HOXA6: variants seen among roughly 807,000 people sequenced by gnomAD.
HOXA6 encodes homeobox protein Hox-A6.
Under a neutral mutation model 23.2 loss-of-function variants are expected in HOXA6, and 19 were observed. The observed-to-expected ratio is 0.82, with a 90% CI of 0.57 to 1.20. The LOEUF (loss-of-function observed/expected upper bound fraction) is 1.20. Ranked by LOEUF, HOXA6 falls within the 50% of genes most tolerant of loss-of-function variation. HOXA6 has a pLI of 0.00. For missense variants in HOXA6, 346 were observed against 313.6 expected, an observed-to-expected ratio of 1.10 and a Z score of -0.78; for synonymous variants, 140 against 132.6, an observed-to-expected ratio of 1.06 and a Z score of -0.38.
At chr7:27,145,997 G>C in intron 1 of HOXA6, 80 bp from the exon 2 acceptor site, 1 of 1,512,006 alleles carries the variant, frequency 6.6e-7, no homozygotes, top group Non-Finnish European at 8.8e-7. Flanking sequence ...CCCACAAGAG[G>C]CACCCAGACT....
In HOXA6 at chr7:27,146,772, G is replaced by A. The variant is rs539894179; in HGVS notation, c.442+536C>T. On this transcript the variant is annotated intron_variant, in intron 1 of 1. Coordinates refer to ENST00000222728, the MANE Select transcript of HOXA6 (RefSeq NM_024014.4). ...AAGAGTGGGCAGTTGAGTAGAAGCC[G>A]GGGGAGATGAGGGAGGAGAGAGAAA... Among the ~76,000 whole-genome samples, 41 of 152,264 alleles carry A rather than the reference G, an allele frequency of 2.7e-4. No homozygotes were observed. In the East Asian group the frequency reaches 4.8e-3, roughly 18 times the overall value.
In HOXA6 at chr7:27,147,527, C is replaced by G. The variant is rs767920023; in HGVS notation, c.223G>C (p.Gly75Arg). 2 of 1,614,180 alleles carry G rather than the reference C, an allele frequency of 1.2e-6. No homozygotes were observed. Among genetic ancestry groups the G allele is most frequent in the Non-Finnish European group, 1.7e-6 (2 of 1,180,032 alleles). ...LACNRASYEY[G>R]ASCFYSDKDL... ...TTATCAGAATAGAAACACGAGGCCCCGTACTCGTAGGACGCCCGGTTGCAG... is the reference window on the plus strand; with the variant it reads ...TTATCAGAATAGAAACACGAGGCCCGGTACTCGTAGGACGCCCGGTTGCAG... The change falls in exon 1 of 2, where the codon GGG (glycine) becomes CGG (arginine). Residue 75 changes from glycine (G) to arginine (R), a missense_variant. Gly to Arg is a moderately radical substitution (Grantham distance 125, BLOSUM62 -2). Coordinates refer to ENST00000222728, the MANE Select transcript of HOXA6 (RefSeq NM_024014.4).
At chr7:27,147,262 C>T (rs769619247) in intron 1 of HOXA6, 46 bp downstream of exon 1, 5 of 1,514,694 alleles carry the variant, frequency 3.3e-6, no homozygotes, top group Non-Finnish European at 3.6e-6. Flanking sequence ...CTTTCTTTTC[C>T]TGCCTCCTTT....
Position 27,147,452 on chromosome 7 carries a change from C to G in HOXA6, c.298G>C (p.Gly100Arg). 6.2e-7 allele frequency: 1 copy of G among 1,614,196 alleles called. No individual in the cohort carries two copies. Among genetic ancestry groups the G allele is most frequent in the East Asian group, 2.2e-5 (1 of 44,876 alleles). Residue 100 changes from glycine to arginine, a missense_variant, in exon 1 of 2, where the codon GGG becomes CGG. By Grantham distance (125) the Gly-to-Arg change is moderately radical (BLOSUM62 -2). Transcript: ENST00000222728. ...TCGGGAGAAAAGTGCAGGTAGTCCC[C>G]GGGGCCCCTCTGCTTGCCACTGCCC... is the stretch of plus-strand genomic sequence containing the variant. Reference protein sequence around the residue: ...PSGSGKQRGPGDYLHFSPEQQ... With the variant: ...PSGSGKQRGPRDYLHFSPEQQ...
chr7:27,147,235 C>A, intron 1 of HOXA6, 73 bp downstream of exon 1: 1 of 1,367,190 alleles, frequency 7.3e-7, no homozygotes, highest in Admixed American at 2.0e-5. Context: ...TCTTTCTACT[C>A]TGTTTCCTCC....
chr7:27,145,468 T>G lies in HOXA6; in HGVS notation c.*190A>C. Reference sequence around the variant, plus strand: ...TGAGGTTTTGTTTTGTTTTGTTTTGTTTTGTTTTGTTTTGTTTTGTTTTGT... The same window carrying G: ...TGAGGTTTTGTTTTGTTTTGTTTTGGTTTGTTTTGTTTTGTTTTGTTTTGT... On this transcript the variant is annotated 3_prime_UTR_variant, in exon 2 of 2. Transcript: ENST00000222728. 5.6e-6 allele frequency: 4 copies of G among 718,476 alleles called. No individual in the cohort carries two copies. Among genetic ancestry groups the G allele is most frequent in the Admixed American group, 2.6e-5 (1 of 38,110 alleles). The allele number at this position is 718,476 out of a possible 1,614,324, so 44.5% of individuals were successfully genotyped here.
chr7:27,147,564 G>A lies in HOXA6; in HGVS notation c.186C>T (p.Asn62=). Residue 62 remains asparagine (N), a synonymous_variant, in exon 1 of 2, where the codon AAC becomes AAT. Coordinates refer to ENST00000222728, the MANE Select transcript of HOXA6 (RefSeq NM_024014.4). Reference sequence around the variant, plus strand: ...ACGCCCGGTTGCAGGCCAGGACCGAGTTGGACTGTTGGTAGAAACAAGGTG... The same window carrying A: ...ACGCCCGGTTGCAGGCCAGGACCGAATTGGACTGTTGGTAGAAACAAGGTG... The part of the protein sequence containing the change: ...YTSPCFYQQS[N]SVLACNRASY... The A allele has an allele frequency of 6.2e-7, 1 of 1,614,244 alleles. No individual in the cohort carries two copies. The highest frequency in any genetic ancestry group is 1.3e-5 in the African/African-American group (1 of 75,072).
rs770373490 is a variant in HOXA6, at chr7:27,147,686, A to G, written c.64T>C (p.Leu22=). The G allele has an allele frequency of 2.5e-5, 40 of 1,613,740 alleles. 1 individual carries two copies. In the Admixed American group the frequency reaches 6.2e-4, roughly 25 times the overall value. The change falls in exon 1 of 2, where the codon TTG becomes CTG. Residue 22 remains leucine (L), a synonymous_variant. Transcript: ENST00000222728. ...GSLPSGQDSF[L]GQLPLYQAGY... The stretch of plus-strand genomic sequence containing the variant: ...GCCTGGTAGAGGGGCAGCTGGCCCA[A>G]GAAGGAGTCCTGGCCGCTGGGAAGG...
At chr7:27,146,586 G>A (rs1267572590) in intron 1 of HOXA6, among the ~76,000 whole-genome samples, 2 of 152,170 alleles carry the variant, frequency 1.3e-5, no homozygotes, top group Non-Finnish European at 2.9e-5. Context: ...GGAAACCAGA[G>A]GCTAAGAGAT....
At chr7:27,145,940 G>T (rs548820240) in intron 1 of HOXA6, 23 bp from the exon 2 acceptor site, 43 of 1,603,710 alleles carry the variant, frequency 2.7e-5, no homozygotes, top group Non-Finnish European at 3.4e-5. Context: ...ACGGCCGGGC[G>T]CCGGTAAGCC....
intron 1 of HOXA6, among the ~76,000 whole-genome samples, chr7:27,146,517 G>A (rs1025983281): frequency 1.3e-5 from 2 of 152,172 alleles, no homozygotes; most frequent in Non-Finnish European, 2.9e-5. Context: ...TTAACAATCC[G>A]CATTAGGCTC....
At chr7:27,146,048 C>T in intron 1 of HOXA6, 131 bp from the exon 2 acceptor site, 1 of 1,073,376 alleles carries the variant, frequency 9.3e-7, no homozygotes, top group Non-Finnish European at 1.3e-6. Flanking sequence ...CCCACTATGT[C>T]TGGGGCCCAA....
At position 27,145,448 on chromosome 7, in the gene HOXA6, T is replaced by TTTGGG; in HGVS notation, c.*209_*210insCCCAA. ...CCGCTGGTATTGGCTGTGTGTGAGG[T>TTTGGG]TTTGTTTTGTTTTGTTTTGTTTTGT... On this transcript the variant is annotated 3_prime_UTR_variant, in exon 2 of 2. Coordinates refer to ENST00000222728, the MANE Select transcript of HOXA6 (RefSeq NM_024014.4). The TTTGGG allele has an allele frequency of 5.9e-5, 2 of 33,796 alleles. No homozygotes were observed. The highest frequency in any genetic ancestry group is 9.3e-5 in the Non-Finnish European group (2 of 21,528). The allele number at this position is 33,796 out of a possible 1,614,324, so 2.1% of individuals were successfully genotyped here.
At position 27,145,656 on chromosome 7, in the gene HOXA6, A is replaced by T; in HGVS notation, c.*2T>A. ...GCGCTGGCCTGGTCCCTGCCCAGGC[A>T]TCTACTCGCCCGCCTTTGCCTCTGA... On this transcript the variant is annotated 3_prime_UTR_variant, in exon 2 of 2. Transcript: ENST00000222728. 1 of 1,612,548 alleles carries T rather than the reference A, an allele frequency of 6.2e-7. No individual in the cohort carries two copies. The highest frequency in any genetic ancestry group is 1.1e-5 in the South Asian group (1 of 91,010).
In HOXA6 at chr7:27,145,590, G is replaced by A; in HGVS notation, c.*68C>T. ...GGAGCAGGCGGGGAGAAAAGTTGGG[G>A]AACAGGCGAGGGCAAGGGGGCAAAG... On this transcript the variant is annotated 3_prime_UTR_variant, in exon 2 of 2. Coordinates refer to ENST00000222728, the MANE Select transcript of HOXA6 (RefSeq NM_024014.4). 1 of 1,550,892 alleles carries A rather than the reference G, an allele frequency of 6.4e-7. No homozygotes were observed.
chr7:27,147,392 C>G lies in HOXA6; in HGVS notation c.358G>C (p.Gly120Arg), dbSNP rs747905039. The G allele has an allele frequency of 5.6e-6, 9 of 1,614,098 alleles. No individual in the cohort carries two copies. In the East Asian group the frequency reaches 6.7e-5, roughly 12 times the overall value. The change falls in exon 1 of 2, where the codon GGC (glycine) becomes CGC (arginine). Residue 120 changes from glycine (G) to arginine (R), a missense_variant. Gly to Arg is a moderately radical substitution (Grantham distance 125, BLOSUM62 -2). Coordinates refer to ENST00000222728, the MANE Select transcript of HOXA6 (RefSeq NM_024014.4). The stretch of plus-strand genomic sequence containing the variant: ...GCGCCTTCGTCATGGAGTGCTTTGC[C>G]CTGCCCGCTGCTGCTGTCGGGTTTG... The part of the protein sequence containing the change: ...QYKPDSSSGQ[G>R]KALHDEGADR...
chr7:27,147,240 T>C (rs1782798904), intron 1 of HOXA6, 68 bp downstream of exon 1: 6 of 1,398,922 alleles, frequency 4.3e-6, no homozygotes, highest in Non-Finnish European at 4.9e-6. Context: ...CTACTCTGTT[T>C]CCTCCTTCTT....
chr7:27,145,424 C>A lies in HOXA6; in HGVS notation c.*234G>T, dbSNP rs968743630. 1 of 631,120 alleles carries A rather than the reference C, an allele frequency of 1.6e-6. No individual in the cohort carries two copies. Among genetic ancestry groups the A allele is most frequent in the South Asian group, 2.0e-5 (1 of 49,182 alleles). 39.1% of individuals were successfully genotyped at this position (631,120 alleles called of 1,614,324 possible). A position where few individuals can be genotyped will look rare whatever the true frequency, so the allele number is the denominator to read the frequency against. On this transcript the variant is annotated 3_prime_UTR_variant, in exon 2 of 2. Coordinates refer to ENST00000222728, the MANE Select transcript of HOXA6 (RefSeq NM_024014.4). Reference sequence around the variant, plus strand: ...GTGTGTGCAGTGCGCCCCGCTCCACCGCTGGTATTGGCTGTGTGTGAGGTT... The same window carrying A: ...GTGTGTGCAGTGCGCCCCGCTCCACAGCTGGTATTGGCTGTGTGTGAGGTT...
In HOXA6 at chr7:27,147,464, G is replaced by T; in HGVS notation, c.286C>A (p.Gln96Lys). The T allele has an allele frequency of 2.5e-6, 4 of 1,614,224 alleles. No individual in the cohort carries two copies. The highest frequency in any genetic ancestry group is 3.4e-6 in the Non-Finnish European group (4 of 1,180,052). ...SGASPSGSGKQRGPGDYLHFS... is the reference protein window; with the variant it reads ...SGASPSGSGKKRGPGDYLHFS... ...TGCAGGTAGTCCCCGGGGCCCCTCT[G>T]CTTGCCACTGCCCGAGGGCGAGGCG... Residue 96 changes from glutamine (Q) to lysine (K), a missense_variant, in exon 1 of 2, where the codon CAG becomes AAG. Transcript: ENST00000222728.
Sources: allele counts gnomAD v4.1 joint callset (sites outside exome capture counted in the v4.1 genomes callset), GRCh38; gene constraint gnomAD v4.1.1; transcripts MANE v1.5; gene names NCBI Gene and HGNC (gene_info 2026-07-23, HGNC 2026-07-21).